Variants in CDC6 observed in about 807,000 individuals in gnomAD.
The protein encoded by CDC6 is cell division cycle 6, also known as DNA replication factor CDC6.
In CDC6, 46 loss-of-function variants were observed where a neutral mutation model predicts 60.2. The ratio of observed to expected loss-of-function variants is 0.76; its 90% CI spans 0.60 to 0.98. CDC6 has a LOEUF of 0.98. Among genes scored for constraint, CDC6 ranks in the 50% least tolerant of loss-of-function variants. The pLI is 0.00. For synonymous variants in CDC6, 210 were observed against 233.2 expected (o/e 0.90, Z 0.90); for missense variants, 596 against 652.9 (o/e 0.91, Z 0.95).
Position 40,291,650 on chromosome 17 carries a change from G to C in CDC6, c.642G>C (p.Arg214=). The change falls in exon 4 of 12, where the codon CGG becomes CGC. Residue 214 remains arginine, a synonymous_variant. Transcript: ENST00000209728. ...CTGGAAAAACTGCCTGCTTAAGCCG[G>C]ATTCTGCAAGACCTCAAGGTACATT... ...PGTGKTACLS[R]ILQDLKKELK... is the part of the protein sequence containing the mutation. 1.9e-6 allele frequency: 3 copies of C among 1,614,062 alleles called. No homozygotes were observed. Among genetic ancestry groups the C allele is most frequent in the Non-Finnish European group, 2.5e-6 (3 of 1,179,940 alleles).
In CDC6 at chr17:40,299,138, C is replaced by CTTTTTT. The variant is rs67162965; in HGVS notation, c.1250-1667_1250-1662dup. Among the ~76,000 whole-genome samples the CTTTTTT allele has an allele frequency of 8.2e-4, 50 of 60,782 alleles. 7 individuals are homozygous for CTTTTTT. Among genetic ancestry groups the CTTTTTT allele is most frequent in the Admixed American group, 1.2e-3 (7 of 5,966 alleles). The allele number at this position is 60,782 out of a possible 152,430, so 39.9% of individuals were successfully genotyped here. On this transcript the variant is annotated intron_variant, in intron 9 of 11. Transcript: ENST00000209728. ...CATCTCCAAACGATAAGGCCATAGT[C>CTTTTTT]TTTTTTTTTTTTTTTTTTTTTTTTT... is the stretch of plus-strand genomic sequence containing the variant.
intron 4 of CDC6, 89 bp from the exon 5 acceptor site, chr17:40,293,367 C>A: frequency 1.1e-6 from 1 of 895,252 alleles, no homozygotes; most frequent in Non-Finnish European, 1.9e-6. Context: ...TCCTTACGTG[C>A]TGTTAGCTCT....
chr17:40,290,971 CCT>C, intron 2 of CDC6, 85 bp from the exon 3 acceptor site: 1 of 1,368,288 alleles, frequency 7.3e-7, no homozygotes, highest in East Asian at 2.3e-5. Flanking sequence ...TAGAAATTCA[CCT>C]CTTTCTGGAA....
chr17:40,301,390 C>G, intron 10 of CDC6, 78 bp from the exon 11 acceptor site: 1 of 1,452,780 alleles, frequency 6.9e-7, no homozygotes. Context: ...CAAACCCAGA[C>G]TCAGGTTTCT....
At chr17:40,290,560 A>G (rs369831739) in intron 2 of CDC6, among the ~76,000 whole-genome samples, 3 of 152,340 alleles carry the variant, frequency 2.0e-5, no homozygotes, top group East Asian at 3.9e-4. Context: ...TAAATGCAGT[A>G]GTCCCCACTT....
At chr17:40,301,769 TA>T (rs2032943860) in intron 11 of CDC6, 142 bp from the exon 12 acceptor site, 1 of 939,642 alleles carries the variant, frequency 1.1e-6, no homozygotes, top group South Asian at 1.4e-5. Flanking sequence ...GTGATATGAA[TA>T]TTTTTTCAAG....
At chr17:40,297,082 G>A (rs4135021) in intron 9 of CDC6, among the ~76,000 whole-genome samples, 2,418 of 152,120 alleles carry the variant, frequency 0.016, 32 homozygotes, top group Non-Finnish European at 0.023. Context: ...CTTATGTTGC[G>A]TGCACTTTAG....
chr17:40,301,921 A>T lies in CDC6; in HGVS notation c.1603A>T (p.Lys535Ter). The T allele has an allele frequency of 6.3e-7, 1 of 1,584,802 alleles. No homozygotes were observed. Among genetic ancestry groups the T allele is most frequent in the Non-Finnish European group, 8.7e-7 (1 of 1,153,390 alleles). Residue 535 changes from lysine (K) to a stop codon, truncating the protein, a stop_gained, in exon 12 of 12, where the codon AAG (lysine) becomes TAG (stop). Transcript: ENST00000209728. LOFTEE classifies it high-confidence loss of function. ...TTTCTCTTCTTTCCAGGTGTTTTTC[A>T]AGATTGAAGAGAAAGAAATAGAACA... ...KETRLTKVFF[K>*]IEEKEIEHAL...
chr17:40,289,743 C>T, intron 2 of CDC6, 145 bp downstream of exon 2: 1 of 638,114 alleles, frequency 1.6e-6, no homozygotes, highest in Non-Finnish European at 2.6e-6. Context: ...GAGTCTCGCT[C>T]CATCTCCCAG....
Position 40,301,485 on chromosome 17 carries a change from T to TA in CDC6, c.1473dup (p.Val492SerfsTer46). The TA allele has an allele frequency of 6.2e-7, 1 of 1,614,100 alleles. No individual in the cohort carries two copies. Reference sequence around the variant, plus strand: ...CCTACCAGTTATATGAAGCCTACAGTAAAGTCTGTCGCAAACAGCAGGTGG... The same window carrying TA: ...CCTACCAGTTATATGAAGCCTACAGTAAAAGTCTGTCGCAAACAGCAGGTGG... On this transcript the variant is annotated frameshift_variant, in exon 11 of 12. Coordinates refer to ENST00000209728, the MANE Select transcript of CDC6 (RefSeq NM_001254.4). LOFTEE classifies it high-confidence loss of function.
At chr17:40,294,165 C>A in intron 6 of CDC6, 109 bp downstream of exon 6, 1 of 1,034,026 alleles carries the variant, frequency 9.7e-7, no homozygotes, top group South Asian at 1.3e-5. Flanking sequence ...TCTGCCGTGT[C>A]AAAATAAGAA....
At position 40,291,500 on chromosome 17, in the gene CDC6, G is replaced by C; in HGVS notation, c.492G>C (p.Leu164=). ...GCTACCAGCAAGCAAAGCTGGTCCT[G>C]AACACAGCTGTCCCAGATCGGCTGC... ...GTCYQQAKLV[L]NTAVPDRLPA... Residue 164 remains leucine (L), a synonymous_variant, in exon 4 of 12, where the codon CTG becomes CTC. Transcript: ENST00000209728. 6.2e-7 allele frequency: 1 copy of C among 1,614,216 alleles called. No individual in the cohort carries two copies. Among genetic ancestry groups the C allele is most frequent in the Non-Finnish European group, 8.5e-7 (1 of 1,180,048 alleles).
chr17:40,299,461 ATG>A (rs1178894240), intron 9 of CDC6, among the ~76,000 whole-genome samples: 1 of 151,666 alleles, frequency 6.6e-6, no homozygotes, highest in Non-Finnish European at 1.5e-5. Flanking sequence ...TGTCCCCACT[ATG>A]TGTCTATGTG....
intron 4 of CDC6, among the ~76,000 whole-genome samples, chr17:40,292,368 C>G (rs1264252727): frequency 6.6e-6 from 1 of 151,688 alleles, no homozygotes; most frequent in Non-Finnish European, 1.5e-5. Context: ...CGGTGGCTCA[C>G]ACCTGTAATC....
intron 7 of CDC6, 45 bp downstream of exon 7, chr17:40,294,548 C>T (rs1396751453): frequency 6.3e-7 from 1 of 1,584,370 alleles, no homozygotes; most frequent in Non-Finnish European, 8.7e-7. Context: ...CTTGGATCAC[C>T]TGTGCTAGGA....
At position 40,302,068 on chromosome 17, in the gene CDC6, G is replaced by A; in HGVS notation, c.*67G>A. 1 of 926,070 alleles carries A rather than the reference G, an allele frequency of 1.1e-6. No homozygotes were observed. The highest frequency in any genetic ancestry group is 1.8e-6 in the Non-Finnish European group (1 of 551,722). 57.4% of individuals were successfully genotyped at this position (926,070 alleles called of 1,614,324 possible). A position where few individuals can be genotyped will look rare whatever the true frequency, so the allele number is the denominator to read the frequency against. On this transcript the variant is annotated 3_prime_UTR_variant, in exon 12 of 12. Transcript: ENST00000209728. ...TTAGAGAGCTACAGTCTTCATTTTA[G>A]TGCTTTACACATTCGGGCCTGAAAA...
At position 40,303,443 on chromosome 17, in the gene CDC6, A is replaced by G. The variant is rs2032965221; in HGVS notation, c.*1442A>G. ...CCATTTGGAACTTGATATGTGTACA[A>G]GTGATCTGTTGGCCACTGTTTCATT... On this transcript the variant is annotated 3_prime_UTR_variant, in exon 12 of 12. Transcript: ENST00000209728. The G allele has an allele frequency of 1.3e-5, 2 of 152,236 alleles. No homozygotes were observed. Among genetic ancestry groups the G allele is most frequent in the South Asian group, 2.1e-4 (1 of 4,832 alleles). The allele number at this position is 152,236 out of a possible 1,614,324, so 9.4% of individuals were successfully genotyped here. A position where few individuals can be genotyped will look rare whatever the true frequency, so the allele number is the denominator to read the frequency against.
chr17:40,296,765 A>C lies in CDC6; in HGVS notation c.1247A>C (p.Glu416Ala), dbSNP rs1385903200. Reference protein sequence around the residue: ...KSQTILKPLSECKSPSEPLIP... With the variant: ...KSQTILKPLSACKSPSEPLIP... ...CAGACTATTCTCAAACCACTGTCTG[A>C]ATGTAAGTAGTTTATCTCCTTCCTG... The change falls in exon 9 of 12, where the codon GAA becomes GCA. Residue 416 changes from glutamate to alanine, a missense_variant and splice_region_variant. Physicochemically the swap from Glu to Ala is moderately radical, Grantham distance 107. Transcript: ENST00000209728. 2 of 1,584,940 alleles carry C rather than the reference A, an allele frequency of 1.3e-6. No homozygotes were observed. The highest frequency in any genetic ancestry group is 2.7e-5 in the African/African-American group (2 of 74,382).
Position 40,302,744 on chromosome 17 carries a change from G to A in CDC6, c.*743G>A, listed in dbSNP as rs1037087723. 1.3e-5 allele frequency: 2 copies of A among 152,248 alleles called. No individual in the cohort carries two copies. Among genetic ancestry groups the A allele is most frequent in the Non-Finnish European group, 2.9e-5 (2 of 68,080 alleles). The allele number at this position is 152,248 out of a possible 1,614,324, so 9.4% of individuals were successfully genotyped here. A position where few individuals can be genotyped will look rare whatever the true frequency, so the allele number is the denominator to read the frequency against. ...TGCAAGCAAGTCCACATGGAGATTT[G>A]GAGGACACTGGTTAAAGAATTTATT... On this transcript the variant is annotated 3_prime_UTR_variant, in exon 12 of 12. Transcript: ENST00000209728.
Sources: gnomAD v4.1 joint callset for allele counts (sites outside exome capture counted in the v4.1 genomes callset) on GRCh38, gnomAD v4.1.1 for gene constraint, MANE v1.5 for transcripts, NCBI Gene and HGNC (gene_info 2026-07-23, HGNC 2026-07-21) for gene names.